The following FAM135B variants were observed in gnomAD, a reference collection of about 807,000 sequenced individuals.
FAM135B encodes family with sequence similarity 135 member B.
In FAM135B, 43 loss-of-function variants were observed where a neutral mutation model predicts 127.7. That is an observed-to-expected ratio of 0.34 (90% CI 0.26 to 0.43). FAM135B has a LOEUF of 0.43. Ranked by LOEUF, FAM135B falls within the 20% of genes least tolerant of loss-of-function variation. The pLI is 1.00. For synonymous variants in FAM135B, 670 were observed against 665.1 expected, an observed-to-expected ratio of 1.01 and a Z score of -0.11; for missense variants, 1,558 against 1,725.6, an observed-to-expected ratio of 0.90 and a Z score of 1.72.
chr8:138,162,970 T>G (rs775449829), intron 12 of FAM135B, among the ~76,000 whole-genome samples: 5 of 152,188 alleles, frequency 3.3e-5, no homozygotes, highest in Non-Finnish European at 7.3e-5. Context: ...AAACAGAAAG[T>G]GCAGAAAGTA....
intron 1 of FAM135B, among the ~76,000 whole-genome samples, chr8:138,486,318 G>A (rs1271650615): frequency 1.3e-5 from 2 of 152,056 alleles, no homozygotes; most frequent in Non-Finnish European, 2.9e-5. Context: ...AGGGTAGTAG[G>A]GCTGAATGAT....
At chr8:138,431,594 C>T (rs1835189745) in intron 1 of FAM135B, among the ~76,000 whole-genome samples, 1 of 152,220 alleles carries the variant, frequency 6.6e-6, no homozygotes, top group Non-Finnish European at 1.5e-5. Context: ...ATCACATGGC[C>T]TGCAAAGCTT....
intron 1 of FAM135B, among the ~76,000 whole-genome samples, chr8:138,476,110 G>T (rs1814417892): frequency 6.6e-6 from 1 of 152,106 alleles, no homozygotes; most frequent in African/African-American, 2.4e-5. Context: ...TAAGCCAACA[G>T]GAAAAGGATA....
intron 1 of FAM135B, among the ~76,000 whole-genome samples, chr8:138,419,045 AGGCACAGAGT>A (rs1834335891): frequency 6.6e-6 from 1 of 152,324 alleles, no homozygotes; most frequent in East Asian, 1.9e-4. Flanking sequence ...CCCACTTAAA[AGGCACAGAGT>A]GGCAAGATGG....
chr8:138,245,882 G>A lies in FAM135B; in HGVS notation c.543-2814C>T, dbSNP rs115480663. 6.4e-3 allele frequency among the ~76,000 whole-genome samples: 974 copies of A among 151,202 alleles called. 6 individuals carry two copies. The highest frequency in any genetic ancestry group is 0.023 in the African/African-American group (924 of 40,496). ...ATGTGGTAAAGTTTGGAACTTTCTA[G>A]AGACGTGTTGAATGGTTTTAACCAA... On this transcript the variant is annotated intron_variant, in intron 6 of 19. Coordinates refer to ENST00000395297, the MANE Select transcript of FAM135B (RefSeq NM_015912.4).
chr8:138,163,494 G>A (rs549808521), intron 12 of FAM135B, among the ~76,000 whole-genome samples: 7 of 152,102 alleles, frequency 4.6e-5, no homozygotes, highest in Admixed American at 3.3e-4. Flanking sequence ...GGGACCTGGT[G>A]GGACTTAATT....
rs6150843 is a variant in FAM135B, at chr8:138,197,075, ATGTGTGTGTGTGTGTGTG to A, written c.823+423_823+440del. Among the ~76,000 whole-genome samples the A allele has an allele frequency of 5.6e-3, 746 of 132,460 alleles. 4 individuals carry two copies. Among genetic ancestry groups the A allele is most frequent in the Non-Finnish European group, 6.1e-3 (378 of 61,492 alleles). The allele number at this position is 132,460 out of a possible 152,430, so 86.9% of individuals were successfully genotyped here. ...CCAGCTCAAGCATATATGTATGCAT[ATGTGTGTGTGTGTGTGTG>A]TGTGTGTGTGTGTGTGTGTGTGTGT... On this transcript the variant is annotated intron_variant, in intron 8 of 19. Transcript: ENST00000395297.
At chr8:138,234,627 G>T (rs1001629697) in intron 7 of FAM135B, among the ~76,000 whole-genome samples, 5 of 152,176 alleles carry the variant, frequency 3.3e-5, no homozygotes, top group African/African-American at 9.7e-5. Flanking sequence ...CCTTCTCTAG[G>T]TAGTTAACCT....
intron 4 of FAM135B, among the ~76,000 whole-genome samples, chr8:138,258,348 G>C (rs1181181397): frequency 6.6e-6 from 1 of 152,020 alleles, no homozygotes; most frequent in Non-Finnish European, 1.5e-5. Context: ...TTTATCTTTA[G>C]GTCTCCAGGG....
chr8:138,325,892 G>T (rs930088199), intron 2 of FAM135B, among the ~76,000 whole-genome samples: 1 of 152,146 alleles, frequency 6.6e-6, no homozygotes, highest in East Asian at 1.9e-4. Context: ...AAATCAATGT[G>T]TGTATAGCAA....
intron 3 of FAM135B, among the ~76,000 whole-genome samples, chr8:138,270,064 T>C (rs1823254958): frequency 6.6e-6 from 1 of 152,094 alleles, no homozygotes; most frequent in Admixed American, 6.5e-5. Context: ...TAGTTGAGCA[T>C]GTGCTGCCTA....
chr8:138,280,866 G>A (rs1187795219), intron 3 of FAM135B, among the ~76,000 whole-genome samples: 9 of 152,082 alleles, frequency 5.9e-5, no homozygotes, highest in Admixed American at 5.9e-4. Flanking sequence ...GGGAGAGGGT[G>A]CATCATCGCA....
chr8:138,387,076 A>T lies in FAM135B; in HGVS notation c.-19-19074T>A, dbSNP rs16909073. On this transcript the variant is annotated intron_variant, in intron 1 of 19. Transcript: ENST00000395297. The stretch of plus-strand genomic sequence containing the variant: ...TGAGTATCTGTGAGATTTATCTCCC[A>T]TTTAATCTGACATATGTATTCATAT... 4.7e-3 allele frequency among the ~76,000 whole-genome samples: 722 copies of T among 152,348 alleles called. 2 individuals carry two copies. The highest frequency in any genetic ancestry group is 0.017 in the African/African-American group (693 of 41,566).
intron 7 of FAM135B, among the ~76,000 whole-genome samples, chr8:138,220,671 G>A (rs764723019): frequency 6.6e-6 from 1 of 152,144 alleles, no homozygotes; most frequent in Non-Finnish European, 1.5e-5. Context: ...GCTAGTGGTG[G>A]TGATAACAAA....
chr8:138,315,366 T>C (rs1476869721), intron 2 of FAM135B, among the ~76,000 whole-genome samples: 1 of 152,170 alleles, frequency 6.6e-6, no homozygotes, highest in Non-Finnish European at 1.5e-5. Flanking sequence ...TATTCTTTTC[T>C]GATAAGAATG....
Position 138,159,278 on chromosome 8 carries a change from C to CAAAAAAAAA in FAM135B, c.1259-6071_1259-6063dup, listed in dbSNP as rs1441016128. On this transcript the variant is annotated intron_variant, in intron 12 of 19. Transcript: ENST00000395297. ...TGGGCGACAGAGCGAGACTCCGTCT[C>CAAAAAAAAA]AAAAAAAAAAAAAGACACATGCACA... is the stretch of plus-strand genomic sequence containing the variant. Among the ~76,000 whole-genome samples, 7 of 31,646 alleles carry CAAAAAAAAA rather than the reference C, an allele frequency of 2.2e-4. 2 individuals are homozygous for CAAAAAAAAA. The highest frequency in any genetic ancestry group is 6.9e-4 in the African/African-American group (6 of 8,694). The allele number at this position is 31,646 out of a possible 152,430, so 20.8% of individuals were successfully genotyped here. A position where few individuals can be genotyped will look rare whatever the true frequency, so the allele number is the denominator to read the frequency against.
At chr8:138,244,165 C>T (rs770336732) in intron 6 of FAM135B, among the ~76,000 whole-genome samples, 9 of 152,130 alleles carry the variant, frequency 5.9e-5, no homozygotes, top group African/African-American at 1.7e-4. Flanking sequence ...TTAGGTGCTA[C>T]GATGATAAGA....
chr8:138,154,604 C>T (rs1818522691), intron 12 of FAM135B, among the ~76,000 whole-genome samples: 1 of 151,996 alleles, frequency 6.6e-6, no homozygotes, highest in African/African-American at 2.4e-5. Context: ...CTTAAATGAC[C>T]TGAAGGAGCT....
chr8:138,304,400 A>T (rs1350493950), intron 3 of FAM135B, among the ~76,000 whole-genome samples: 1 of 152,186 alleles, frequency 6.6e-6, no homozygotes, highest in Non-Finnish European at 1.5e-5. Flanking sequence ...TAGAAGAAGC[A>T]CAGAAATGCA....
Sources: allele counts gnomAD v4.1 joint callset (sites outside exome capture counted in the v4.1 genomes callset), GRCh38; gene constraint gnomAD v4.1.1; transcripts MANE v1.5; gene names NCBI Gene and HGNC (gene_info 2026-07-23, HGNC 2026-07-21).